The following SDE2 variants were observed in gnomAD, a reference collection of about 807,000 sequenced individuals.
SDE2 encodes the protein splicing regulator SDE2.
In SDE2, 31 loss-of-function variants were observed where a neutral mutation model predicts 46.9. The ratio of observed to expected loss-of-function variants is 0.66; its 90% CI spans 0.50 to 0.89. The LOEUF (loss-of-function observed/expected upper bound fraction) is 0.89, where lower values mean the gene tolerates loss of function less well. SDE2 is among the 40% of genes least tolerant of loss of function. The pLI is 0.00. For synonymous variants in SDE2, 205 were observed against 204.3 expected, an observed-to-expected ratio of 1.00 and a Z score of -0.03; for missense variants, 542 against 564.4, an observed-to-expected ratio of 0.96 and a Z score of 0.40.
chr1:225,995,943 T>C lies in SDE2; in HGVS notation c.121-560A>G, dbSNP rs1656513880. ...AGATGCTGGGCAGCCCCAGATTCTG[T>C]GTAGCTGCCCCAGAGCCTACATGAA... On this transcript the variant is annotated intron_variant, in intron 1 of 6. Transcript: ENST00000272091. Among the ~76,000 whole-genome samples the C allele has an allele frequency of 2.0e-5, 3 of 152,194 alleles. No individual in the cohort carries two copies. In the South Asian group the frequency reaches 6.2e-4, roughly 32 times the overall value.
At chr1:225,996,591 A>G (rs1656532670) in intron 1 of SDE2, among the ~76,000 whole-genome samples, 1 of 152,226 alleles carries the variant, frequency 6.6e-6, no homozygotes, top group Non-Finnish European at 1.5e-5. Context: ...AAGTGCTTCA[A>G]ACACAAATTA....
Position 225,996,974 on chromosome 1 carries a change from TGG to T in SDE2, c.121-1593_121-1592del, listed in dbSNP as rs562207801. ...AGAATGCTTCTCTACAAGGCAAGAGTGGGAAGGTTCCCTCTTATTGAGAGAAC... is the reference window on the plus strand; with the variant it reads ...AGAATGCTTCTCTACAAGGCAAGAGTGAAGGTTCCCTCTTATTGAGAGAAC... On this transcript the variant is annotated intron_variant, in intron 1 of 6. Transcript: ENST00000272091. Among the ~76,000 whole-genome samples, 4 of 152,216 alleles carry T rather than the reference TGG, an allele frequency of 2.6e-5. No individual in the cohort carries two copies. In the South Asian group the frequency reaches 8.3e-4, roughly 32 times the overall value.
At chr1:225,989,040 T>G (rs1656332870) in intron 5 of SDE2, among the ~76,000 whole-genome samples, 1 of 152,190 alleles carries the variant, frequency 6.6e-6, no homozygotes, top group Admixed American at 6.5e-5. Flanking sequence ...GGCTCATGCC[T>G]GTAATCCCAG....
intron 6 of SDE2, among the ~76,000 whole-genome samples, chr1:225,986,619 C>G (rs761165951): frequency 6.6e-6 from 1 of 152,110 alleles, no homozygotes; most frequent in Non-Finnish European, 1.5e-5. Flanking sequence ...AATACAACAG[C>G]TATTACTACA....
rs370941727 is a variant in SDE2, at chr1:225,999,242, G to A, written c.71C>T (p.Ser24Leu). ...AAAATCCCGGACGGTGCACCGACCC[G>A]AGGCACACCGCACCGCCTTGCACCC... is the stretch of plus-strand genomic sequence containing the variant. ...GFGCKAVRCASGRCTVRDFIH... is the reference protein window; with the variant it reads ...GFGCKAVRCALGRCTVRDFIH... The change falls in exon 1 of 7, where the codon TCG (serine) becomes TTG (leucine). Residue 24 changes from serine (S) to leucine (L), a missense_variant. By Grantham distance (145) the Ser-to-Leu change is moderately radical. Around this residue, in one of 3 missense-constraint regions of SDE2, gnomAD observed 135 missense variants for 106.5 expected, o/e 1.27. Coordinates refer to ENST00000272091, the MANE Select transcript of SDE2 (RefSeq NM_152608.4). 47 of 1,613,214 alleles carry A rather than the reference G, an allele frequency of 2.9e-5. No individual in the cohort carries two copies. Among genetic ancestry groups the A allele is most frequent in the Non-Finnish European group, 3.8e-5 (45 of 1,179,764 alleles).
In SDE2 at chr1:225,988,236, C is replaced by T. The variant is rs1382995493; in HGVS notation, c.794G>A (p.Gly265Asp). 1.9e-6 allele frequency: 3 copies of T among 1,614,036 alleles called. No individual in the cohort carries two copies. The African/African-American group carries it at 4.0e-5, about 22-fold the overall frequency. ...GVEMAAKFPSGSQRARVVNTD... is the reference protein window; with the variant it reads ...GVEMAAKFPSDSQRARVVNTD... ...ATTCACTACTCTCGCCCTCTGAGAA[C>T]CACTGGGAAATTTGGCTGCCATCTC... is the stretch of plus-strand genomic sequence containing the variant. Residue 265 changes from glycine to aspartate, a missense_variant, in exon 6 of 7, where the codon GGT (glycine) becomes GAT (aspartate). Physicochemically the swap from Gly to Asp is moderately conservative, Grantham distance 94 (BLOSUM62 -1). Transcript: ENST00000272091.
rs368893615 is a variant in SDE2, at chr1:225,985,488, G to A, written c.1170C>T (p.Phe390=). 222 of 1,613,452 alleles carry A rather than the reference G, an allele frequency of 1.4e-4. No homozygotes were observed. Among genetic ancestry groups the A allele is most frequent in the Non-Finnish European group, 1.8e-4 (212 of 1,179,494 alleles). ...GCAACTCCAGTTCTGCAACAGAGGT[G>A]AACGCCAATAAATCTATAGTTTCCT... ...IDKETIDLLA[F]TSVAELELLG... Residue 390 remains phenylalanine, a synonymous_variant, in exon 7 of 7, where the codon TTC becomes TTT. Coordinates refer to ENST00000272091, the MANE Select transcript of SDE2 (RefSeq NM_152608.4).
chr1:225,990,662 AC>A (rs1201589965), intron 5 of SDE2, among the ~76,000 whole-genome samples: 1 of 152,200 alleles, frequency 6.6e-6, no homozygotes, highest in Non-Finnish European at 1.5e-5. Flanking sequence ...TGTATGCTGA[AC>A]TCATAGTGTT....
At chr1:225,992,137 C>A (rs934219863) in intron 4 of SDE2, among the ~76,000 whole-genome samples, 2 of 152,118 alleles carry the variant, frequency 1.3e-5, no homozygotes, top group African/African-American at 4.8e-5. Context: ...CGAGATCACA[C>A]CACTGCACTC....
At position 225,983,193 on chromosome 1, in the gene SDE2, A is replaced by T. The variant is rs1656191677; in HGVS notation, c.*2109T>A. The T allele has an allele frequency of 6.6e-6, 1 of 152,206 alleles. No individual in the cohort carries two copies. Among genetic ancestry groups the T allele is most frequent in the South Asian group, 2.1e-4 (1 of 4,834 alleles). The allele number at this position is 152,206 out of a possible 1,614,324, so 9.4% of individuals were successfully genotyped here. A position where few individuals can be genotyped will look rare whatever the true frequency, so the allele number is the denominator to read the frequency against. On this transcript the variant is annotated 3_prime_UTR_variant, in exon 7 of 7. Transcript: ENST00000272091. The stretch of plus-strand genomic sequence containing the variant: ...AAATAGGCACAGAAGCACAAAGTAA[A>T]TTAATAGAAAGAGGTATACTGTGCA...
chr1:225,987,504 A>G (rs1185033992), intron 6 of SDE2, among the ~76,000 whole-genome samples: 3 of 152,208 alleles, frequency 2.0e-5, no homozygotes, highest in African/African-American at 7.2e-5. Flanking sequence ...GTAGCAATTT[A>G]GTGACGGGAA....
At position 225,991,232 on chromosome 1, in the gene SDE2, G is replaced by T; in HGVS notation, c.641+11C>A. 6.2e-7 allele frequency: 1 copy of T among 1,611,620 alleles called. No individual in the cohort carries two copies. Among genetic ancestry groups the T allele is most frequent in the South Asian group, 1.1e-5 (1 of 90,878 alleles). The stretch of plus-strand genomic sequence containing the variant: ...TCAAAGATCAATTGGGAACGAAAGT[G>T]AAACACTTACCAGAAGCATCTCCTC... On this transcript the variant is annotated intron_variant, in intron 5 of 6. Coordinates refer to ENST00000272091, the MANE Select transcript of SDE2 (RefSeq NM_152608.4).
intron 2 of SDE2, among the ~76,000 whole-genome samples, chr1:225,993,922 G>A (rs756013389): frequency 2.3e-5 from 3 of 130,448 alleles, no homozygotes; most frequent in Non-Finnish European, 4.8e-5. Flanking sequence ...GGCGTGTACC[G>A]ATGCAGCTAG....
intron 1 of SDE2, among the ~76,000 whole-genome samples, chr1:225,998,116 C>G (rs1656572741): frequency 6.6e-6 from 1 of 151,252 alleles, no homozygotes; most frequent in South Asian, 2.1e-4. Context: ...CAACGGGAGT[C>G]AAACTCCGTC....
At chr1:225,992,625 T>C (rs1656428333) in intron 3 of SDE2, 58 bp from the exon 4 acceptor site, 2 of 1,125,532 alleles carry the variant, frequency 1.8e-6, no homozygotes, top group South Asian at 1.3e-5. Flanking sequence ...TACACTTTTA[T>C]ATATAAAATG....
rs187923670 is a variant in SDE2 at position 225,989,801 on chromosome 1, C to T, written c.642-1413G>A. On this transcript the variant is annotated intron_variant, in intron 5 of 6. Transcript: ENST00000272091. ...TTATAAATCCTATGCTTGGGCTGGA[C>T]GCGGTGGCTCACGCCTATAATCCCA... 1.6e-4 allele frequency among the ~76,000 whole-genome samples: 25 copies of T among 152,122 alleles called. No homozygotes were observed. In the East Asian group the frequency reaches 4.4e-3, roughly 27 times the overall value.
In SDE2 at chr1:225,992,383, A is replaced by C. The variant is rs745421825; in HGVS notation, c.520+15T>G. 6.2e-7 allele frequency: 1 copy of C among 1,608,262 alleles called. No homozygotes were observed. Among genetic ancestry groups the C allele is most frequent in the Non-Finnish European group, 8.5e-7 (1 of 1,175,932 alleles). ...GGGGTGCCAGCTGAACACACTAAGG[A>C]ATCCTCATTCTCACCTTTGAGGACG... On this transcript the variant is annotated intron_variant, in intron 4 of 6. Transcript: ENST00000272091.
At chr1:225,991,453 TC>T in intron 4 of SDE2, 90 bp from the exon 5 acceptor site, 5 of 940,358 alleles carry the variant, frequency 5.3e-6, no homozygotes, top group Non-Finnish European at 8.1e-6. Context: ...AGAGCTGCAA[TC>T]TACAGCTCCA....
At chr1:225,999,063 G>A in intron 1 of SDE2, 130 bp downstream of exon 1, 1 of 706,438 alleles carries the variant, frequency 1.4e-6, no homozygotes, top group Non-Finnish European at 2.4e-6. Flanking sequence ...TAACACTGAG[G>A]AACTCTCAGC....
Sources: gnomAD v4.1 joint callset for allele counts (sites outside exome capture counted in the v4.1 genomes callset) on GRCh38, gnomAD v4.1.1 for gene constraint, gnomAD v4.1.1 regional missense constraint, MANE v1.5 for transcripts, NCBI Gene and HGNC (gene_info 2026-07-23, HGNC 2026-07-21) for gene names.